The following GLRA3 variants were observed in gnomAD, a reference collection of about 807,000 sequenced individuals.
The protein encoded by GLRA3 is glycine receptor subunit alpha-3.
GLRA3 carries 44 observed loss-of-function variants against 60.4 expected under a neutral mutation model. The ratio of observed to expected loss-of-function variants is 0.73; its 90% CI spans 0.57 to 0.94. The LOEUF is 0.94. Ranked by LOEUF, GLRA3 falls within the 40% of genes least tolerant of loss-of-function variation. GLRA3 has a pLI of 0.00. For missense variants in GLRA3, 508 were observed against 564.6 expected, an observed-to-expected ratio of 0.90 and a Z score of 1.02; for synonymous variants, 223 against 192.9, an observed-to-expected ratio of 1.16 and a Z score of -1.29.
At chr4:174,781,131 A>T (rs532753640) in intron 2 of GLRA3, among the ~76,000 whole-genome samples, 10 of 152,248 alleles carry the variant, frequency 6.6e-5, no homozygotes, top group Non-Finnish European at 1.3e-4. Context: ...ACCACAGTGC[A>T]ATCAAACTAG....
rs114194836 is a variant in GLRA3 at position 174,668,441 on chromosome 4, G to A, written c.927+8637C>T. On this transcript the variant is annotated intron_variant, in intron 7 of 9. Transcript: ENST00000274093. ...CTGTATTATAACTACGGCAGTATAT[G>A]CTATGGTTGAGAGACCTGCCGAGAT... Among the ~76,000 whole-genome samples the A allele has an allele frequency of 2.9e-3, 443 of 152,190 alleles. 5 individuals are homozygous for A. Among genetic ancestry groups the A allele is most frequent in the African/African-American group, 0.01 (418 of 41,540 alleles).
At chr4:174,722,596 T>A (rs1413531608) in intron 4 of GLRA3, 1 of 153,120 alleles carries the variant, frequency 6.5e-6, no homozygotes, top group Admixed American at 6.5e-5. Context: ...TCCCCATTAC[T>A]TTCATCCTCC....
intron 7 of GLRA3, among the ~76,000 whole-genome samples, chr4:174,664,686 G>A (rs1045984845): frequency 3.9e-5 from 6 of 152,172 alleles, no homozygotes; most frequent in African/African-American, 1.2e-4. Flanking sequence ...AATCTTAAAT[G>A]CAAATCTGAT....
Position 174,828,819 on chromosome 4 carries a change from A to T in GLRA3, c.-8T>A, listed in dbSNP as rs752929183. Reference sequence around the variant, plus strand: ...GTGTCTCACGTGGGCCATGATACGGAGAGATATTCACGATCCTGAAAATAG... The same window carrying T: ...GTGTCTCACGTGGGCCATGATACGGTGAGATATTCACGATCCTGAAAATAG... On this transcript the variant is annotated 5_prime_UTR_variant, in exon 1 of 10. Transcript: ENST00000274093. 6.3e-7 allele frequency: 1 copy of T among 1,590,412 alleles called. No homozygotes were observed. Among genetic ancestry groups the T allele is most frequent in the South Asian group, 1.1e-5 (1 of 90,634 alleles).
At chr4:174,795,648 A>G (rs1439557339) in intron 1 of GLRA3, among the ~76,000 whole-genome samples, 2 of 152,188 alleles carry the variant, frequency 1.3e-5, no homozygotes, top group Non-Finnish European at 2.9e-5. Flanking sequence ...CCTTTCTTAT[A>G]CCATAATGTA....
At chr4:174,820,817 C>T (rs905092719) in intron 1 of GLRA3, among the ~76,000 whole-genome samples, 5 of 152,188 alleles carry the variant, frequency 3.3e-5, no homozygotes, top group Admixed American at 1.3e-4. Context: ...CTAGTGATTT[C>T]CTCACACCCT....
Position 174,640,861 on chromosome 4 carries a change from G to C in GLRA3, c.*2925C>G, listed in dbSNP as rs927285310. On this transcript the variant is annotated 3_prime_UTR_variant, in exon 10 of 10. Coordinates refer to ENST00000274093, the MANE Select transcript of GLRA3 (RefSeq NM_006529.4). ...TCCCTAATATAGCCACTGAGAGTTGGATGGGGTCTCCAGCGCCATGGAGAA... is the reference window on the plus strand; with the variant it reads ...TCCCTAATATAGCCACTGAGAGTTGCATGGGGTCTCCAGCGCCATGGAGAA... 9 of 152,154 alleles carry C rather than the reference G, an allele frequency of 5.9e-5. No individual in the cohort carries two copies. The East Asian group carries it at 1.7e-3, about 29-fold the overall frequency. The allele number at this position is 152,154 out of a possible 1,614,324, so 9.4% of individuals were successfully genotyped here.
intron 2 of GLRA3, among the ~76,000 whole-genome samples, chr4:174,784,020 C>G (rs62333644): frequency 6.7e-6 from 1 of 148,394 alleles, no homozygotes; most frequent in Non-Finnish European, 1.5e-5. Context: ...CACATGCACA[C>G]GTATGTTTAT....
chr4:174,648,129 T>C (rs554434378), intron 9 of GLRA3, among the ~76,000 whole-genome samples: 3 of 152,318 alleles, frequency 2.0e-5, no homozygotes, highest in African/African-American at 7.2e-5. Context: ...GTAATGTCAA[T>C]GACTCTTTTG....
chr4:174,769,392 T>C (rs1738294042), intron 2 of GLRA3, among the ~76,000 whole-genome samples: 1 of 152,142 alleles, frequency 6.6e-6, no homozygotes, highest in African/African-American at 2.4e-5. Context: ...GAATATGTTA[T>C]GCTTACTTTT....
chr4:174,724,115 T>G (rs1398746734), intron 4 of GLRA3, among the ~76,000 whole-genome samples: 4 of 151,518 alleles, frequency 2.6e-5, no homozygotes, highest in Non-Finnish European at 5.9e-5. Context: ...AAAACATTTT[T>G]CTTGAACTGA....
intron 2 of GLRA3, among the ~76,000 whole-genome samples, chr4:174,768,156 A>G (rs1738229558): frequency 1.3e-5 from 2 of 152,104 alleles, no homozygotes; most frequent in African/African-American, 4.8e-5. Context: ...AGGAATTCCA[A>G]ACTTGGTCAG....
intron 1 of GLRA3, among the ~76,000 whole-genome samples, chr4:174,798,756 C>T (rs1034673388): frequency 6.6e-6 from 1 of 152,090 alleles, no homozygotes; most frequent in Non-Finnish European, 1.5e-5. Context: ...AACCCCGTCT[C>T]TACTAAAAAT....
chr4:174,784,860 G>A (rs867955789), intron 2 of GLRA3, among the ~76,000 whole-genome samples: 7 of 151,960 alleles, frequency 4.6e-5, no homozygotes, highest in South Asian at 2.1e-4. Context: ...TATCCTAAAG[G>A]CACAGGATCA....
chr4:174,767,310 G>C (rs970083461), intron 2 of GLRA3, among the ~76,000 whole-genome samples: 1 of 152,064 alleles, frequency 6.6e-6, no homozygotes, highest in African/African-American at 2.4e-5. Context: ...GCCTGATGCT[G>C]TAAGTCCAGT....
chr4:174,693,895 C>G (rs148760318), intron 5 of GLRA3, among the ~76,000 whole-genome samples: 86 of 152,166 alleles, frequency 5.7e-4, no homozygotes, highest in Middle Eastern at 3.4e-3. Context: ...GGAGGAAAAT[C>G]TACCAAGCAA....
At chr4:174,722,741 G>A (rs1485842607) in intron 4 of GLRA3, 1 of 166,174 alleles carries the variant, frequency 6.0e-6, no homozygotes, top group East Asian at 1.9e-4. Flanking sequence ...CTTTAAAAAA[G>A]CAGGAAAGCC....
chr4:174,813,922 G>T (rs545991742), intron 1 of GLRA3, among the ~76,000 whole-genome samples: 6 of 152,242 alleles, frequency 3.9e-5, no homozygotes, highest in African/African-American at 1.4e-4. Flanking sequence ...TCACAAAGGG[G>T]TTAGCTCGTT....
At chr4:174,804,528 A>G (rs1739955892) in intron 1 of GLRA3, among the ~76,000 whole-genome samples, 1 of 152,140 alleles carries the variant, frequency 6.6e-6, no homozygotes, top group Non-Finnish European at 1.5e-5. Context: ...AATTAATAAA[A>G]TCCACAGAAT....
Sources: gnomAD v4.1 joint callset for allele counts (sites outside exome capture counted in the v4.1 genomes callset) on GRCh38, gnomAD v4.1.1 for gene constraint, MANE v1.5 for transcripts, NCBI Gene and HGNC (gene_info 2026-07-23, HGNC 2026-07-21) for gene names.